The following SNTG1 variants were observed in gnomAD, a reference collection of about 807,000 sequenced individuals.
The protein encoded by SNTG1 is syntrophin gamma 1.
Under a neutral mutation model 74.7 loss-of-function variants are expected in SNTG1, and 39 were observed. The observed-to-expected ratio is 0.52, with a 90% CI of 0.40 to 0.68. The LOEUF is 0.68. SNTG1 is among the 30% of genes least tolerant of loss of function. The pLI is 0.00. For synonymous variants in SNTG1, 254 were observed against 217.1 expected (o/e 1.17, Z -1.49); for missense variants, 685 against 609.5 (o/e 1.12, Z -1.30).
chr8:50,762,641 T>C (rs2095602251), intron 18 of SNTG1: 2 of 434,534 alleles, frequency 4.6e-6, no homozygotes, highest in Non-Finnish European at 9.3e-6. Context: ...TTTGTTCTTA[T>C]TAGCATCTGT....
intron 1 of SNTG1, among the ~76,000 whole-genome samples, chr8:49,986,731 A>AG (rs1001215418): frequency 6.6e-6 from 1 of 151,238 alleles, no homozygotes; most frequent in African/African-American, 2.4e-5. Flanking sequence ...AAAAAAAAAA[A>AG]ATAGCCAGGT....
intron 9 of SNTG1, among the ~76,000 whole-genome samples, chr8:50,505,024 A>G (rs2093994861): frequency 1.3e-5 from 2 of 152,112 alleles, no homozygotes; most frequent in Admixed American, 1.3e-4. Flanking sequence ...GGCAAACACC[A>G]TTGTATTTTG....
chr8:50,303,208 G>A (rs2130685962), intron 2 of SNTG1, among the ~76,000 whole-genome samples: 1 of 152,146 alleles, frequency 6.6e-6, no homozygotes, highest in South Asian at 2.1e-4. Context: ...TATTAAGTTA[G>A]TTAATTAGAT....
chr8:50,656,162 A>C (rs2095179243), intron 13 of SNTG1, among the ~76,000 whole-genome samples: 4 of 152,168 alleles, frequency 2.6e-5, no homozygotes, highest in Admixed American at 2.6e-4. Context: ...GATGAGAAAG[A>C]AATTGAATGC....
At position 50,089,596 on chromosome 8, in the gene SNTG1, A is replaced by G. The variant is rs1196788905; in HGVS notation, c.-102-82965A>G. On this transcript the variant is annotated intron_variant, in intron 1 of 18. Coordinates refer to ENST00000642720, the MANE Select transcript of SNTG1 (RefSeq NM_018967.5). Reference sequence around the variant, plus strand: ...ACAACCCCATCAAAAAGTGGGCGAAAGACATGAACAGACACTTCTCAAAAG... The same window carrying G: ...ACAACCCCATCAAAAAGTGGGCGAAGGACATGAACAGACACTTCTCAAAAG... Among the ~76,000 whole-genome samples, 38 of 152,172 alleles carry G rather than the reference A, an allele frequency of 2.5e-4. 1 individual carries two copies. The highest frequency in any genetic ancestry group is 6.3e-4 in the African/African-American group (26 of 41,534).
At position 50,642,467 on chromosome 8, in the gene SNTG1, C is replaced by A. The variant is rs1004183273; in HGVS notation, c.850-14442C>A. 7.9e-5 allele frequency among the ~76,000 whole-genome samples: 12 copies of A among 152,278 alleles called. No individual in the cohort carries two copies. In the East Asian group the frequency reaches 2.3e-3, roughly 29 times the overall value. The stretch of plus-strand genomic sequence containing the variant: ...TGTCAGGGACCTACAAGGATGTGTG[C>A]AACTGAAGGCACATTCCATTTTATC... On this transcript the variant is annotated intron_variant, in intron 13 of 18. Transcript: ENST00000642720.
At chr8:50,141,982 A>G (rs1043594455) in intron 1 of SNTG1, among the ~76,000 whole-genome samples, 2 of 152,122 alleles carry the variant, frequency 1.3e-5, no homozygotes, top group Non-Finnish European at 2.9e-5. Flanking sequence ...GATACAAATT[A>G]TTTATATTGA....
intron 1 of SNTG1, among the ~76,000 whole-genome samples, chr8:49,934,279 A>AGATC (rs1807847385): frequency 7.6e-6 from 1 of 131,538 alleles, no homozygotes; most frequent in Non-Finnish European, 1.6e-5. Context: ...TATACTATAT[A>AGATC]GATCTATCTA....
At chr8:50,758,590 G>C (rs1460485436) in intron 18 of SNTG1, among the ~76,000 whole-genome samples, 2 of 152,032 alleles carry the variant, frequency 1.3e-5, no homozygotes, top group African/African-American at 4.8e-5. Flanking sequence ...TTCTGTTCTT[G>C]TGTTACTTTG....
chr8:50,425,829 T>G (rs1331976290), intron 4 of SNTG1, among the ~76,000 whole-genome samples: 1 of 152,150 alleles, frequency 6.6e-6, no homozygotes, highest in Non-Finnish European at 1.5e-5. Context: ...GGAAAACACT[T>G]AGGAGATGCA....
intron 12 of SNTG1, among the ~76,000 whole-genome samples, chr8:50,563,761 A>G (rs1050708571): frequency 1.4e-4 from 22 of 152,064 alleles, no homozygotes; most frequent in African/African-American, 5.3e-4. Context: ...CTAAGAATAC[A>G]TTGACTTGTG....
At chr8:50,585,815 T>A (rs2094644523) in intron 12 of SNTG1, among the ~76,000 whole-genome samples, 1 of 152,196 alleles carries the variant, frequency 6.6e-6, no homozygotes. Context: ...TAAATTTTAA[T>A]TTGCTTTATT....
intron 2 of SNTG1, among the ~76,000 whole-genome samples, chr8:50,334,575 C>A (rs138558548): frequency 6.6e-6 from 1 of 151,482 alleles, no homozygotes; most frequent in East Asian, 1.9e-4. Context: ...ACTCATTTTA[C>A]CTTATTTCTG....
intron 12 of SNTG1, among the ~76,000 whole-genome samples, chr8:50,554,471 A>G (rs1585667620): frequency 7.0e-6 from 1 of 143,242 alleles, no homozygotes; most frequent in South Asian, 2.2e-4. Context: ...ATAAAAACAG[A>G]TTTTCCTTTT....
At chr8:50,488,802 A>T (rs1341766980) in intron 8 of SNTG1, among the ~76,000 whole-genome samples, 1 of 152,230 alleles carries the variant, frequency 6.6e-6, no homozygotes, top group African/African-American at 2.4e-5. Context: ...TTACACTTTA[A>T]GTTCTGGGAT....
At position 50,689,165 on chromosome 8, in the gene SNTG1, T is replaced by A. The variant is rs372039829; in HGVS notation, c.1039-15435T>A. 4.4e-4 allele frequency among the ~76,000 whole-genome samples: 67 copies of A among 151,508 alleles called. No homozygotes were observed. In the East Asian group the frequency reaches 0.011, roughly 25 times the overall value. On this transcript the variant is annotated intron_variant, in intron 15 of 18. Transcript: ENST00000642720. ...GAGATTTTGGGCTGAGACAATGGGG[T>A]TTTCTAGATATACAATCCTGTAGTC...
In SNTG1 at chr8:50,416,187, T is replaced by C. The variant is rs1238777173; in HGVS notation, c.162+13843T>C. ...TAATCATCAGTATGGATATTGGTTT[T>C]TGCACTGGGCATTCACTCAGTGATA... On this transcript the variant is annotated intron_variant, in intron 4 of 18. Transcript: ENST00000642720. 2.0e-5 allele frequency among the ~76,000 whole-genome samples: 3 copies of C among 152,192 alleles called. No individual in the cohort carries two copies. The East Asian group carries it at 5.8e-4, about 29-fold the overall frequency.
intron 1 of SNTG1, among the ~76,000 whole-genome samples, chr8:50,033,601 C>T (rs1325013903): frequency 6.6e-6 from 1 of 152,092 alleles, no homozygotes; most frequent in Admixed American, 6.6e-5. Context: ...TCCTCTGAAG[C>T]CTTTCTTCTT....
At chr8:50,456,090 G>C (rs1044873919) in intron 8 of SNTG1, among the ~76,000 whole-genome samples, 2 of 152,106 alleles carry the variant, frequency 1.3e-5, no homozygotes, top group African/African-American at 4.8e-5. Flanking sequence ...AAATATCCTT[G>C]CCTTATTTTC....
Sources: gnomAD v4.1 joint callset for allele counts (sites outside exome capture counted in the v4.1 genomes callset) on GRCh38, gnomAD v4.1.1 for gene constraint, MANE v1.5 for transcripts, NCBI Gene and HGNC (gene_info 2026-07-23, HGNC 2026-07-21) for gene names.